NALF1: variants seen among roughly 807,000 people sequenced by gnomAD.
NALF1 encodes the protein NALCN channel auxiliary factor 1.
NALF1 carries 3 observed loss-of-function variants against 48.4 expected under a neutral mutation model. The ratio of observed to expected loss-of-function variants is 0.06; its 90% CI spans 0.03 to 0.16. The LOEUF is 0.16. Among genes scored for constraint, NALF1 ranks in the 10% least tolerant of loss-of-function variants. The pLI is 1.00. For synonymous variants in NALF1, 262 were observed against 245.7 expected (o/e 1.07, Z -0.62); for missense variants, 526 against 571.5 (o/e 0.92, Z 0.81).
At chr13:107,462,366 C>G (rs1256114589) in intron 1 of NALF1, among the ~76,000 whole-genome samples, 3 of 152,090 alleles carry the variant, frequency 2.0e-5, no homozygotes, top group South Asian at 4.1e-4. Flanking sequence ...AACTAACATA[C>G]AATGCATATT....
At chr13:107,765,811 T>C (rs1212520676) in intron 1 of NALF1, among the ~76,000 whole-genome samples, 1 of 152,158 alleles carries the variant, frequency 6.6e-6, no homozygotes, top group African/African-American at 2.4e-5. Flanking sequence ...AAAGGTTACC[T>C]AGATTTTGAA....
intron 1 of NALF1, among the ~76,000 whole-genome samples, chr13:107,608,891 G>A (rs1377167867): frequency 6.6e-6 from 1 of 152,194 alleles, no homozygotes; most frequent in Non-Finnish European, 1.5e-5. Context: ...ATGCTGCCGT[G>A]GGTTCCACGC....
chr13:107,383,590 A>G (rs1161243720), intron 1 of NALF1, among the ~76,000 whole-genome samples: 1 of 152,224 alleles, frequency 6.6e-6, no homozygotes. Flanking sequence ...AAGAAAAAAA[A>G]AAGAAGTTAT....
At chr13:107,672,594 T>A (rs1489975925) in intron 1 of NALF1, among the ~76,000 whole-genome samples, 2 of 152,216 alleles carry the variant, frequency 1.3e-5, no homozygotes, top group Non-Finnish European at 2.9e-5. Context: ...ACATAACCCT[T>A]AGCAGAACAG....
intron 1 of NALF1, among the ~76,000 whole-genome samples, chr13:107,777,273 C>T (rs1877762755): frequency 6.6e-6 from 1 of 152,030 alleles, no homozygotes; most frequent in Non-Finnish European, 1.5e-5. Flanking sequence ...AAGATTTGCC[C>T]CAAACAGACA....
At chr13:107,267,240 T>A (rs955508985) in intron 1 of NALF1, among the ~76,000 whole-genome samples, 1 of 152,070 alleles carries the variant, frequency 6.6e-6, no homozygotes, top group Admixed American at 6.6e-5. Context: ...AGAAATACAG[T>A]AGTTAATGTA....
chr13:107,785,214 C>G (rs1878037709), intron 1 of NALF1, among the ~76,000 whole-genome samples: 1 of 151,846 alleles, frequency 6.6e-6, no homozygotes. Flanking sequence ...ACTTCCTCCT[C>G]TACCCAGTAC....
At chr13:107,389,853 G>A (rs547018810) in intron 1 of NALF1, among the ~76,000 whole-genome samples, 4 of 152,150 alleles carry the variant, frequency 2.6e-5, no homozygotes, top group Non-Finnish European at 1.5e-5. Flanking sequence ...TAATATATAC[G>A]TAATTTGATG....
intron 1 of NALF1, among the ~76,000 whole-genome samples, chr13:107,503,551 A>G (rs1463066762): frequency 6.6e-6 from 1 of 152,186 alleles, no homozygotes; most frequent in Non-Finnish European, 1.5e-5. Flanking sequence ...AGGTTCCTAA[A>G]GAAATAAAAC....
At chr13:107,199,393 G>T (rs756120668) in intron 2 of NALF1, among the ~76,000 whole-genome samples, 1 of 152,208 alleles carries the variant, frequency 6.6e-6, no homozygotes, top group Middle Eastern at 3.4e-3. Context: ...ATTTTGTCAC[G>T]GCAGCCCTAG....
chr13:107,211,857 G>T (rs1300506419), intron 1 of NALF1, among the ~76,000 whole-genome samples: 2 of 152,242 alleles, frequency 1.3e-5, no homozygotes, highest in South Asian at 2.1e-4. Context: ...TAAGTAAGCT[G>T]TAAACTTTTT....
At position 107,263,244 on chromosome 13, in the gene NALF1, TAACA is replaced by T. The variant is rs1201461028; in HGVS notation, c.916-52493_916-52490del. On this transcript the variant is annotated intron_variant, in intron 1 of 2. Transcript: ENST00000375915. ...AGGCTCCCAACACCCCACAAAATGC[TAACA>T]GACACACACACACACACACACACAC... Among the ~76,000 whole-genome samples the T allele has an allele frequency of 1.8e-4, 17 of 97,020 alleles. No homozygotes were observed. In the East Asian group the frequency reaches 3.9e-3, roughly 22 times the overall value. 63.6% of individuals were successfully genotyped at this position (97,020 alleles called of 152,430 possible). A position where few individuals can be genotyped will look rare whatever the true frequency, so the allele number is the denominator to read the frequency against.
At position 107,757,419 on chromosome 13, in the gene NALF1, T is replaced by TC. The variant is rs1229800646; in HGVS notation, c.915+108262_915+108263insG. Reference sequence around the variant, plus strand: ...TAACAACACTGGCCCTCATTTCTTTTTTTTTTTTTTTTTTTCAGTCAACAG... The same window carrying TC: ...TAACAACACTGGCCCTCATTTCTTTTCTTTTTTTTTTTTTTTCAGTCAACAG... On this transcript the variant is annotated intron_variant, in intron 1 of 2. Transcript: ENST00000375915. 4.3e-5 allele frequency among the ~76,000 whole-genome samples: 6 copies of TC among 138,726 alleles called. 1 individual carries two copies. Among genetic ancestry groups the TC allele is most frequent in the African/African-American group, 1.7e-4 (6 of 35,024 alleles). The allele number at this position is 138,726 out of a possible 152,430, so 91.0% of individuals were successfully genotyped here.
chr13:107,862,747 T>C (rs2138651447), intron 1 of NALF1, among the ~76,000 whole-genome samples: 1 of 152,092 alleles, frequency 6.6e-6, no homozygotes, highest in Admixed American at 6.5e-5. Flanking sequence ...AGGGGTTTCT[T>C]CTGAATAATT....
At chr13:107,541,054 C>A (rs2139119302) in intron 1 of NALF1, among the ~76,000 whole-genome samples, 1 of 152,206 alleles carries the variant, frequency 6.6e-6, no homozygotes, top group Non-Finnish European at 1.5e-5. Flanking sequence ...CTCTGACAGC[C>A]TCTTGTAATA....
chr13:107,313,935 G>A lies in NALF1; in HGVS notation c.916-103180C>T, dbSNP rs541991643. ...ACCAGGCTATGTCCCAAAAACCTTGGGTACATGTTGTCAGGACCTCCTGAG... is the reference window on the plus strand; with the variant it reads ...ACCAGGCTATGTCCCAAAAACCTTGAGTACATGTTGTCAGGACCTCCTGAG... On this transcript the variant is annotated intron_variant, in intron 1 of 2. Transcript: ENST00000375915. Among the ~76,000 whole-genome samples the A allele has an allele frequency of 9.1e-4, 139 of 152,124 alleles. 1 individual carries two copies. The highest frequency in any genetic ancestry group is 3.1e-3 in the African/African-American group (130 of 41,520).
intron 1 of NALF1, among the ~76,000 whole-genome samples, chr13:107,572,382 T>C (rs193189558): frequency 1.6e-4 from 24 of 152,262 alleles, no homozygotes; most frequent in African/African-American, 5.8e-4. Flanking sequence ...GTTTTCCTAA[T>C]TTCAAGCTGC....
At chr13:107,245,096 A>G (rs1880553003) in intron 1 of NALF1, among the ~76,000 whole-genome samples, 1 of 152,204 alleles carries the variant, frequency 6.6e-6, no homozygotes, top group South Asian at 2.1e-4. Context: ...AATCAGAAAG[A>G]TGCATCCACA....
chr13:107,491,958 G>C (rs1276699893), intron 1 of NALF1, among the ~76,000 whole-genome samples: 2 of 150,976 alleles, frequency 1.3e-5, no homozygotes, highest in Non-Finnish European at 2.9e-5. Context: ...AAGATGCCTG[G>C]GCACCTGTTA....
Sources: allele counts gnomAD v4.1 joint callset (sites outside exome capture counted in the v4.1 genomes callset), GRCh38; gene constraint gnomAD v4.1.1; transcripts MANE v1.5; gene names NCBI Gene and HGNC (gene_info 2026-07-23, HGNC 2026-07-21).